PRKAA2: variants seen among roughly 807,000 people sequenced by gnomAD.
PRKAA2 encodes the protein protein kinase AMP-activated catalytic subunit alpha 2, also known as 5'-AMP-activated protein kinase catalytic subunit alpha-2.
PRKAA2 carries 40 observed loss-of-function variants against 56.3 expected under a neutral mutation model. The observed-to-expected ratio is 0.71, with a 90% CI of 0.55 to 0.92. The LOEUF (loss-of-function observed/expected upper bound fraction) is 0.92. Among genes scored for constraint, PRKAA2 ranks in the 40% least tolerant of loss-of-function variants. PRKAA2 has a pLI of 0.00. For synonymous variants in PRKAA2, 214 were observed against 234.2 expected (o/e 0.91, Z 0.79); for missense variants, 542 against 686.9 (o/e 0.79, Z 2.36).
In PRKAA2 at chr1:56,657,678, A is replaced by G. The variant is rs554177796; in HGVS notation, c.94+12197A>G. On this transcript the variant is annotated intron_variant, in intron 1 of 8. Transcript: ENST00000371244. ...GTGACAGAGCAAGACTCCATCTCAA[A>G]ATAAATAAATAAATAAATAAAACTC... Among the ~76,000 whole-genome samples the G allele has an allele frequency of 1.1e-4, 16 of 151,986 alleles. No individual in the cohort carries two copies. In the East Asian group the frequency reaches 3.1e-3, roughly 29 times the overall value.
intron 7 of PRKAA2, among the ~76,000 whole-genome samples, chr1:56,705,166 C>T (rs1644323209): frequency 1.3e-5 from 2 of 152,120 alleles, no homozygotes; most frequent in African/African-American, 4.8e-5. Context: ...AAACTTACCA[C>T]ATAAATATGC....
intron 1 of PRKAA2, among the ~76,000 whole-genome samples, chr1:56,659,358 A>G (rs1231194429): frequency 2.6e-5 from 4 of 151,338 alleles, no homozygotes; most frequent in Non-Finnish European, 2.9e-5. Context: ...TGAGCTGGGC[A>G]TGGTGGTGCA....
chr1:56,700,869 T>C (rs1028698331), intron 6 of PRKAA2, among the ~76,000 whole-genome samples: 4 of 152,186 alleles, frequency 2.6e-5, no homozygotes, highest in Admixed American at 2.0e-4. Context: ...TTCTCAGCTC[T>C]GTGATTATGA....
chr1:56,691,850 A>T (rs1281472170), intron 3 of PRKAA2, among the ~76,000 whole-genome samples: 2 of 152,116 alleles, frequency 1.3e-5, no homozygotes, highest in African/African-American at 4.8e-5. Flanking sequence ...ATTAATTGAA[A>T]TTTAAATATT....
At chr1:56,652,629 T>C (rs1643911337) in intron 1 of PRKAA2, among the ~76,000 whole-genome samples, 1 of 152,246 alleles carries the variant, frequency 6.6e-6, no homozygotes, top group Admixed American at 6.5e-5. Context: ...TGTTTCCTCC[T>C]TCGTAATATG....
intron 1 of PRKAA2, among the ~76,000 whole-genome samples, chr1:56,656,537 A>G (rs1314819181): frequency 6.6e-6 from 1 of 152,190 alleles, no homozygotes; most frequent in Non-Finnish European, 1.5e-5. Context: ...TACCAGCATA[A>G]AACTTATAGG....
chr1:56,675,528 G>A (rs1410793450), intron 2 of PRKAA2, among the ~76,000 whole-genome samples: 2 of 152,082 alleles, frequency 1.3e-5, no homozygotes, highest in Non-Finnish European at 2.9e-5. Context: ...GGTAGTTGAG[G>A]TCAAGCCTGA....
At chr1:56,649,041 GT>G (rs1646666668) in intron 1 of PRKAA2, among the ~76,000 whole-genome samples, 2 of 152,032 alleles carry the variant, frequency 1.3e-5, no homozygotes, top group African/African-American at 4.8e-5. Context: ...AAGTATAAAA[GT>G]TTTGAATTTT....
chr1:56,664,243 T>C (rs1644017292), intron 1 of PRKAA2, among the ~76,000 whole-genome samples: 1 of 152,218 alleles, frequency 6.6e-6, no homozygotes, highest in Admixed American at 6.5e-5. Context: ...TCGATATAAA[T>C]TTGATGTTTG....
intron 2 of PRKAA2, among the ~76,000 whole-genome samples, chr1:56,689,834 G>A (rs184607512): frequency 1.1e-3 from 160 of 151,764 alleles, no homozygotes; most frequent in African/African-American, 3.4e-3. Flanking sequence ...ATCAAATAAA[G>A]CTAATTTTTT....
chr1:56,662,758 G>A (rs1477118058), intron 1 of PRKAA2, among the ~76,000 whole-genome samples: 1 of 152,072 alleles, frequency 6.6e-6, no homozygotes, highest in African/African-American at 2.4e-5. Context: ...AAAGGTGTGT[G>A]TGTGTTTTTT....
At chr1:56,702,079 ATCTTT>A (rs1384716018) in intron 6 of PRKAA2, among the ~76,000 whole-genome samples, 42 of 151,216 alleles carry the variant, frequency 2.8e-4, no homozygotes, top group Non-Finnish European at 5.2e-4. Flanking sequence ...CATCATTTTT[ATCTTT>A]TCTTTTTTTT....
intron 1 of PRKAA2, among the ~76,000 whole-genome samples, chr1:56,667,286 A>G (rs1431600935): frequency 6.6e-6 from 1 of 151,972 alleles, no homozygotes; most frequent in Non-Finnish European, 1.5e-5. Flanking sequence ...ACTTAGGGCC[A>G]ATTTAAAGGT....
At chr1:56,698,662 TTTTA>T (rs1453316491) in intron 6 of PRKAA2, among the ~76,000 whole-genome samples, 3 of 152,224 alleles carry the variant, frequency 2.0e-5, no homozygotes, top group African/African-American at 7.2e-5. Context: ...ATCTATCATA[TTTTA>T]TTTATCTCTT....
At chr1:56,676,142 A>G (rs1644111450) in intron 2 of PRKAA2, among the ~76,000 whole-genome samples, 1 of 152,178 alleles carries the variant, frequency 6.6e-6, no homozygotes, top group Non-Finnish European at 1.5e-5. Context: ...TAAGCAGAGT[A>G]ATACCTGCCC....
In PRKAA2 at chr1:56,710,834, G is replaced by T. The variant is rs1433740403; in HGVS notation, c.*3121G>T. 1 of 152,088 alleles carries T rather than the reference G, an allele frequency of 6.6e-6. No homozygotes were observed. The allele number at this position is 152,088 out of a possible 1,614,324, so 9.4% of individuals were successfully genotyped here. ...ACTAATGACTCATGCTTATGGCTCA[G>T]TGGGTAATGAATCAGTGTCACTGAT... On this transcript the variant is annotated 3_prime_UTR_variant, in exon 9 of 9. Coordinates refer to ENST00000371244, the MANE Select transcript of PRKAA2 (RefSeq NM_006252.4).
At chr1:56,692,988 T>C (rs1644238770) in intron 4 of PRKAA2, among the ~76,000 whole-genome samples, 1 of 152,120 alleles carries the variant, frequency 6.6e-6, no homozygotes, top group Admixed American at 6.6e-5. Context: ...AGAGAACAGT[T>C]TTTGTCAGGG....
At chr1:56,669,571 C>T (rs1644060724) in intron 1 of PRKAA2, among the ~76,000 whole-genome samples, 1 of 152,022 alleles carries the variant, frequency 6.6e-6, no homozygotes, top group South Asian at 2.1e-4. Context: ...AAATTCTTAA[C>T]CTCTCTGCAA....
At chr1:56,667,497 T>C (rs1364563910) in intron 1 of PRKAA2, among the ~76,000 whole-genome samples, 1 of 151,914 alleles carries the variant, frequency 6.6e-6, no homozygotes, top group Non-Finnish European at 1.5e-5. Context: ...ATTTCATATA[T>C]TATGAGTTAA....
Sources: gnomAD v4.1 joint callset for allele counts (sites outside exome capture counted in the v4.1 genomes callset) on GRCh38, gnomAD v4.1.1 for gene constraint, MANE v1.5 for transcripts, NCBI Gene and HGNC (gene_info 2026-07-23, HGNC 2026-07-21) for gene names.